The following FRMPD4 variants were observed in gnomAD, a reference collection of about 807,000 sequenced individuals.
FRMPD4 encodes the protein FERM and PDZ domain-containing protein 4.
FRMPD4 carries 22 observed loss-of-function variants against 94.1 expected under a neutral mutation model. The observed-to-expected ratio is 0.23, with a 90% CI of 0.17 to 0.33. The LOEUF (loss-of-function observed/expected upper bound fraction) is 0.33, where lower values mean the gene tolerates loss of function less well. Ranked by LOEUF, FRMPD4 falls within the 10% of genes least tolerant of loss-of-function variation. FRMPD4 has a pLI of 1.00. For missense variants in FRMPD4, 1,111 were observed against 1,339.9 expected (o/e 0.83, Z 2.67); for synonymous variants, 631 against 548.6 (o/e 1.15, Z -2.10).
chrX:12,483,153 G>A (rs1569295305), intron 1 of FRMPD4, among the ~76,000 whole-genome samples: 1 of 112,153 alleles, frequency 8.9e-6, no homozygotes, highest in Non-Finnish European at 1.9e-5. Flanking sequence ...GTTAGGCAGA[G>A]GAGTAGGTTT....
intron 3 of FRMPD4, among the ~76,000 whole-genome samples, chrX:12,069,689 G>A (rs963426987): frequency 1.8e-5 from 2 of 111,648 alleles, no homozygotes; most frequent in African/African-American, 6.5e-5. Flanking sequence ...TGGGCCCAGG[G>A]CACCCCAGTG....
intron 1 of FRMPD4, among the ~76,000 whole-genome samples, chrX:12,484,576 C>A (rs721047): frequency 1.5e-4 from 17 of 110,715 alleles, no homozygotes; most frequent in African/African-American, 5.6e-4. Context: ...GTTACAGGTA[C>A]AATCAGATGT....
chrX:12,643,468 A>G, intron 4 of FRMPD4, among the ~76,000 whole-genome samples: 1 of 111,829 alleles, frequency 8.9e-6, no homozygotes, highest in Non-Finnish European at 1.9e-5. Flanking sequence ...GCCGTGCTAC[A>G]TGGAAAATGG....
At chrX:12,455,983 G>A (rs1161506276) in intron 1 of FRMPD4, among the ~76,000 whole-genome samples, 2 of 111,048 alleles carry the variant, frequency 1.8e-5, no homozygotes, top group Admixed American at 9.6e-5. Flanking sequence ...TAGTAGAGAC[G>A]GGGTTTCTCC....
At chrX:12,270,182 G>A (rs1028520210) in intron 1 of FRMPD4, among the ~76,000 whole-genome samples, 2 of 110,959 alleles carry the variant, frequency 1.8e-5, no homozygotes, top group African/African-American at 3.3e-5. Context: ...AGTTTTATTA[G>A]TTGTTTTTCT....
chrX:12,559,070 C>G (rs2058624696), intron 2 of FRMPD4, among the ~76,000 whole-genome samples: 1 of 112,169 alleles, frequency 8.9e-6, no homozygotes, highest in Non-Finnish European at 1.9e-5. Flanking sequence ...ACCCATTACC[C>G]AAGATAATTC....
intron 5 of FRMPD4, among the ~76,000 whole-genome samples, chrX:12,678,136 C>G (rs2059920017): frequency 8.9e-6 from 1 of 111,888 alleles, no homozygotes. Context: ...TAAACATTTC[C>G]TATGTCATCA....
At chrX:12,111,717 T>C in intron 3 of FRMPD4, among the ~76,000 whole-genome samples, 1 of 111,640 alleles carries the variant, frequency 9.0e-6, no homozygotes, top group South Asian at 3.8e-4. Flanking sequence ...CTCAAACAAA[T>C]TTACAAGAAA....
upstream of FRMPD4, among the ~76,000 whole-genome samples, chrX:12,137,519 C>A (rs2055613597): frequency 8.9e-6 from 1 of 111,893 alleles, no homozygotes; most frequent in African/African-American, 3.3e-5. Context: ...GTGAACGCTG[C>A]CGGTGGGAGA....
intron 4 of FRMPD4, among the ~76,000 whole-genome samples, chrX:12,672,731 TG>T (rs767731263): frequency 3.6e-4 from 40 of 112,093 alleles, no homozygotes; most frequent in Admixed American, 1.2e-3. Flanking sequence ...TGAACACATA[TG>T]GCTTCCATCT....
intron 1 of FRMPD4, among the ~76,000 whole-genome samples, chrX:12,330,967 C>T (rs1336926903): frequency 2.7e-5 from 3 of 111,486 alleles, no homozygotes; most frequent in African/African-American, 9.8e-5. Context: ...TGTAAAGGGC[C>T]AGATAGTAAC....
intron 1 of FRMPD4, among the ~76,000 whole-genome samples, chrX:12,451,334 A>G (rs1238928364): frequency 1.8e-5 from 2 of 111,809 alleles, no homozygotes; most frequent in African/African-American, 6.5e-5. Flanking sequence ...TTTTCAGACA[A>G]TACCCAATTG....
chrX:12,114,927 A>G (rs2055395822), intron 3 of FRMPD4, among the ~76,000 whole-genome samples: 1 of 112,106 alleles, frequency 8.9e-6, no homozygotes, highest in African/African-American at 3.2e-5. Flanking sequence ...AGTACATGTA[A>G]CCTATCCTAG....
chrX:12,567,069 G>T (rs775393867), intron 2 of FRMPD4, among the ~76,000 whole-genome samples: 1 of 110,532 alleles, frequency 9.0e-6, no homozygotes, highest in South Asian at 3.9e-4. Flanking sequence ...CTTTGCCCTA[G>T]TGTGGGGAAA....
intron 3 of FRMPD4, among the ~76,000 whole-genome samples, chrX:11,949,492 G>T (rs1384435816): frequency 8.9e-6 from 1 of 112,382 alleles, no homozygotes; most frequent in Non-Finnish European, 1.9e-5. Context: ...CATTCAGAAG[G>T]TGGCAAGTTT....
chrX:12,659,398 G>A (rs2059692504), intron 4 of FRMPD4, among the ~76,000 whole-genome samples: 1 of 112,605 alleles, frequency 8.9e-6, no homozygotes, highest in Admixed American at 9.4e-5. Flanking sequence ...CAGGTTAGGT[G>A]TTTTATTGAC....
chrX:12,317,148 T>C (rs1462785918), intron 1 of FRMPD4, among the ~76,000 whole-genome samples: 1 of 111,778 alleles, frequency 8.9e-6, no homozygotes, highest in Non-Finnish European at 1.9e-5. Context: ...AGATTTCCTT[T>C]ATTCTGTTTT....
intron 1 of FRMPD4, among the ~76,000 whole-genome samples, chrX:12,237,580 G>A (rs2057084228): frequency 8.9e-6 from 1 of 112,230 alleles, no homozygotes; most frequent in African/African-American, 3.2e-5. Context: ...GCTATGTTTA[G>A]ATATTAATCC....
chrX:12,554,757 G>A (rs1018150894), intron 2 of FRMPD4, among the ~76,000 whole-genome samples: 1 of 111,601 alleles, frequency 9.0e-6, no homozygotes, highest in Non-Finnish European at 1.9e-5. Flanking sequence ...GGAACTACAG[G>A]CACATGCCAC....
Sources: allele counts gnomAD v4.1 joint callset (sites outside exome capture counted in the v4.1 genomes callset), GRCh38; gene constraint gnomAD v4.1.1; transcripts MANE v1.5; gene names NCBI Gene and HGNC (gene_info 2026-07-23, HGNC 2026-07-21).